The following NFATC3 variants were observed in gnomAD, a reference collection of about 807,000 sequenced individuals.
NFATC3 encodes nuclear factor of activated T cells 3.
Under a neutral mutation model 98.6 loss-of-function variants are expected in NFATC3, and 46 were observed. The observed-to-expected ratio is 0.47, with a 90% CI of 0.37 to 0.60. The LOEUF (loss-of-function observed/expected upper bound fraction) is 0.60. NFATC3 is among the 20% of genes least tolerant of loss of function. The probability of loss-of-function intolerance (pLI) is 0.00; values close to 1 mark genes in which losing one functional copy is unlikely to be tolerated. For synonymous variants in NFATC3, 512 were observed against 472.2 expected (o/e 1.08, Z -1.09); for missense variants, 1,256 against 1,295.5 (o/e 0.97, Z 0.47).
chr16:68,115,163 A>T (rs2036207788), intron 1 of NFATC3, among the ~76,000 whole-genome samples: 1 of 151,534 alleles, frequency 6.6e-6, no homozygotes, highest in African/African-American at 2.4e-5. Flanking sequence ...TCCCGGCTTC[A>T]AGTGATTCGC....
chr16:68,091,383 T>C (rs1276685454), intron 1 of NFATC3, among the ~76,000 whole-genome samples: 4 of 152,236 alleles, frequency 2.6e-5, no homozygotes, highest in Non-Finnish European at 5.9e-5. Context: ...TTTGTTTTTA[T>C]TGAAGGCATA....
chr16:68,217,191 G>T (rs2041670429), intron 9 of NFATC3, among the ~76,000 whole-genome samples: 2 of 152,054 alleles, frequency 1.3e-5, no homozygotes, highest in Admixed American at 1.3e-4. Context: ...CAACACTTTG[G>T]GAGGCCGAGG....
At position 68,117,735 on chromosome 16, in the gene NFATC3, C is replaced by T. The variant is rs1372608890; in HGVS notation, c.104-4252C>T. Among the ~76,000 whole-genome samples the T allele has an allele frequency of 2.0e-5, 3 of 152,068 alleles. No individual in the cohort carries two copies. The East Asian group carries it at 5.8e-4, about 29-fold the overall frequency. ...TTTTTGCCACATCGTCCAGGCTGGTCTCGAACTCCTGAACTCAAGCCATTT... is the reference window on the plus strand; with the variant it reads ...TTTTTGCCACATCGTCCAGGCTGGTTTCGAACTCCTGAACTCAAGCCATTT... On this transcript the variant is annotated intron_variant, in intron 1 of 9. Transcript: ENST00000346183.
At chr16:68,120,612 G>T (rs1307373892) in intron 1 of NFATC3, among the ~76,000 whole-genome samples, 1 of 151,194 alleles carries the variant, frequency 6.6e-6, no homozygotes, top group African/African-American at 2.4e-5. Flanking sequence ...GCATGGTGGC[G>T]AGTGCCTGTA....
Position 68,228,402 on chromosome 16 carries a change from G to A in NFATC3, c.*1931G>A, listed in dbSNP as rs538821290. Reference sequence around the variant, plus strand: ...ACTTGCCCCTACCCTTTTGCCCCTGGTGTAGCTGCCTCACATGAGGTTATT... The same window carrying A: ...ACTTGCCCCTACCCTTTTGCCCCTGATGTAGCTGCCTCACATGAGGTTATT... On this transcript the variant is annotated 3_prime_UTR_variant, in exon 10 of 10. Transcript: ENST00000346183. The A allele has an allele frequency of 6.6e-6, 1 of 152,284 alleles. No individual in the cohort carries two copies. The highest frequency in any genetic ancestry group is 6.5e-5 in the Admixed American group (1 of 15,292). The allele number at this position is 152,284 out of a possible 1,614,324, so 9.4% of individuals were successfully genotyped here.
At chr16:68,113,625 T>A (rs1217185889) in intron 1 of NFATC3, among the ~76,000 whole-genome samples, 2 of 152,184 alleles carry the variant, frequency 1.3e-5, no homozygotes, top group Non-Finnish European at 2.9e-5. Flanking sequence ...CTGAGCAGGT[T>A]CGGCTGTGCT....
chr16:68,178,455 A>C (rs1005119867), intron 6 of NFATC3, among the ~76,000 whole-genome samples: 3 of 152,216 alleles, frequency 2.0e-5, no homozygotes, highest in African/African-American at 4.8e-5. Context: ...TAGCAGTGCT[A>C]TGTGATATAG....
intron 4 of NFATC3, among the ~76,000 whole-genome samples, chr16:68,162,589 C>CTT (rs1203578990): frequency 0.062 from 8,636 of 138,944 alleles, 341 homozygotes; most frequent in Middle Eastern, 0.15. Context: ...AGCCTAAACT[C>CTT]TTTTTTTTTT....
chr16:68,217,305 G>T (rs903605093), intron 9 of NFATC3, among the ~76,000 whole-genome samples: 1 of 151,752 alleles, frequency 6.6e-6, no homozygotes, highest in African/African-American at 2.4e-5. Context: ...GGTGGCTCAT[G>T]CCTATAGTCC....
intron 9 of NFATC3, chr16:68,217,653 C>T: frequency 8.1e-7 from 1 of 1,231,020 alleles, no homozygotes; most frequent in Non-Finnish European, 1.0e-6. Flanking sequence ...TCTCTCACAC[C>T]TCATGATAAT....
chr16:68,179,497 A>C (rs1042902828), intron 6 of NFATC3, among the ~76,000 whole-genome samples: 4 of 152,204 alleles, frequency 2.6e-5, no homozygotes, highest in African/African-American at 9.7e-5. Flanking sequence ...TGGACTGGAA[A>C]ATGATAGTTA....
intron 5 of NFATC3, among the ~76,000 whole-genome samples, chr16:68,168,182 A>G (rs757258289): frequency 8.1e-5 from 12 of 147,962 alleles, no homozygotes; most frequent in Non-Finnish European, 1.6e-4. Flanking sequence ...GTTTTTTGAG[A>G]CGGAGTCTCA....
At chr16:68,132,496 C>CA (rs1009200665) in intron 3 of NFATC3, among the ~76,000 whole-genome samples, 1 of 152,106 alleles carries the variant, frequency 6.6e-6, no homozygotes, top group Non-Finnish European at 1.5e-5. Flanking sequence ...AAAGGTTGCT[C>CA]AAAAAATTTA....
At position 68,122,084 on chromosome 16, in the gene NFATC3, A is replaced by G; in HGVS notation, c.201A>G (p.Leu67=). ...CACTTTGCTTACCACATCATGGATT[A>G]CCGTCTCACTCTTCTGTTTTGTCAC... ...TTPLCLPHHG[L]PSHSSVLSPS... Residue 67 remains leucine (L), a synonymous_variant, in exon 2 of 10, where the codon TTA becomes TTG. Transcript: ENST00000346183. 1 of 1,614,010 alleles carries G rather than the reference A, an allele frequency of 6.2e-7. No homozygotes were observed.
In NFATC3 at chr16:68,122,695, G is replaced by C; in HGVS notation, c.812G>C (p.Cys271Ser). Reference sequence around the variant, plus strand: ...CCCTCATCAAGGCCCACATCCCCCTGTGGGAAACGGAGGCACTCCAGTGCT... The same window carrying C: ...CCCTCATCAAGGCCCACATCCCCCTCTGGGAAACGGAGGCACTCCAGTGCT... Reference protein sequence around the residue: ...SGPSSRPTSPCGKRRHSSAEV... With the variant: ...SGPSSRPTSPSGKRRHSSAEV... Residue 271 changes from cysteine (C) to serine (S), a missense_variant, in exon 2 of 10, where the codon TGT becomes TCT. Cys to Ser is a moderately radical substitution (Grantham distance 112, BLOSUM62 -1). This residue lies in a region of NFATC3 where 464 missense variants were observed against 465.7 expected (regional missense o/e 1.00). Transcript: ENST00000346183. 1 of 1,614,194 alleles carries C rather than the reference G, an allele frequency of 6.2e-7. No homozygotes were observed. The highest frequency in any genetic ancestry group is 8.5e-7 in the Non-Finnish European group (1 of 1,180,038).
At chr16:68,112,402 C>T (rs752204999) in intron 1 of NFATC3, among the ~76,000 whole-genome samples, 16 of 150,532 alleles carry the variant, frequency 1.1e-4, no homozygotes, top group Admixed American at 4.0e-4. Context: ...CTCAGCCGCC[C>T]GAGTAGCTGG....
chr16:68,191,248 G>T lies in NFATC3; in HGVS notation c.2579G>T (p.Gly860Val), dbSNP rs147146434. 3.6e-5 allele frequency: 58 copies of T among 1,614,014 alleles called. No homozygotes were observed. The highest frequency in any genetic ancestry group is 4.8e-5 in the Non-Finnish European group (57 of 1,180,052). ...ATACCATTTCATTCTTCAAATTCAG[G>T]CTCAACAGGACATCTCTTAGCCCAT... ...SSIPFHSSNS[G>V]STGHLLAHTP... Residue 860 changes from glycine to valine, a missense_variant, in exon 9 of 10, where the codon GGC becomes GTC. Around this residue, in one of 3 missense-constraint regions of NFATC3, gnomAD observed 636 missense variants for 617.3 expected, o/e 1.03. Transcript: ENST00000346183.
chr16:68,206,510 G>T (rs1210491791), intron 9 of NFATC3, among the ~76,000 whole-genome samples: 1 of 151,762 alleles, frequency 6.6e-6, no homozygotes, highest in Non-Finnish European at 1.5e-5. Context: ...TTCCTTTTTT[G>T]TCTGGCTTAT....
At chr16:68,147,704 G>T (rs1045980873) in intron 3 of NFATC3, among the ~76,000 whole-genome samples, 1 of 146,378 alleles carries the variant, frequency 6.8e-6, no homozygotes, top group African/African-American at 2.5e-5. Flanking sequence ...CTGAATAGAT[G>T]AATGTGAGGA....
Sources: allele counts gnomAD v4.1 joint callset (sites outside exome capture counted in the v4.1 genomes callset), GRCh38; gene constraint gnomAD v4.1.1; regional missense constraint gnomAD v4.1.1; transcripts MANE v1.5; gene names NCBI Gene and HGNC (gene_info 2026-07-23, HGNC 2026-07-21).